Variants in NOTCH1 observed in about 807,000 individuals in gnomAD.
NOTCH1 encodes neurogenic locus notch homolog protein 1.
In NOTCH1, 37 loss-of-function variants were observed where a neutral mutation model predicts 254.8. That is an observed-to-expected ratio of 0.15 (90% CI 0.11 to 0.19). The LOEUF is 0.19. Ranked by LOEUF, NOTCH1 falls within the 10% of genes least tolerant of loss-of-function variation. The probability of loss-of-function intolerance (pLI) is 1.00; values close to 1 mark genes in which losing one functional copy is unlikely to be tolerated. For synonymous variants in NOTCH1, 1,731 were observed against 1,618.1 expected (o/e 1.07, Z -1.68); for missense variants, 2,972 against 3,708.6 (o/e 0.80, Z 5.16).
At position 136,545,739 on chromosome 9, in the gene NOTCH1, C is replaced by A. The variant is rs1362439215; in HGVS notation, c.48G>T (p.Ala16=). Residue 16 remains alanine, a synonymous_variant, in exon 1 of 34, where the codon GCG becomes GCT. Coordinates refer to ENST00000651671, the MANE Select transcript of NOTCH1 (RefSeq NM_017617.5). The surrounding 1 kb of genome is among the most constrained non-coding windows in gnomAD (Gnocchi z 6.8). ...GTGGGCGCCTACCTCGTGCGGCGAGCGCGGGCAGCAGCGCCAGGCAGAGCA... is the reference window on the plus strand; with the variant it reads ...GTGGGCGCCTACCTCGTGCGGCGAGAGCGGGCAGCAGCGCCAGGCAGAGCA... The part of the protein sequence containing the change: ...APLLCLALLP[A]LAARGPRCSQ... 7.0e-7 allele frequency: 1 copy of A among 1,424,402 alleles called. No homozygotes were observed. The highest frequency in any genetic ancestry group is 9.1e-7 in the Non-Finnish European group (1 of 1,093,128). 88.2% of individuals were successfully genotyped at this position (1,424,402 alleles called of 1,614,324 possible). A position where few individuals can be genotyped will look rare whatever the true frequency, so the allele number is the denominator to read the frequency against.
intron 2 of NOTCH1, among the ~76,000 whole-genome samples, chr9:136,526,952 C>T (rs965467284): frequency 6.6e-6 from 1 of 152,186 alleles, no homozygotes; most frequent in African/African-American, 2.4e-5. Flanking sequence ...TGTCCGCCCC[C>T]ACTCCCAGCC....
chr9:136,539,449 C>A (rs2133400315), intron 2 of NOTCH1, among the ~76,000 whole-genome samples: 1 of 152,298 alleles, frequency 6.6e-6, no homozygotes, highest in Non-Finnish European at 1.5e-5. Flanking sequence ...AGTGCAGTGG[C>A]ACGATCTCAG....
At chr9:136,531,022 C>A (rs554027898) in intron 2 of NOTCH1, among the ~76,000 whole-genome samples, 1 of 152,250 alleles carries the variant, frequency 6.6e-6, no homozygotes, top group Admixed American at 6.5e-5. Flanking sequence ...CGGAGGGGCT[C>A]CTGTTCTCCT....
At chr9:136,522,200 A>G (rs552552212) in intron 4 of NOTCH1, among the ~76,000 whole-genome samples, 4 of 152,138 alleles carry the variant, frequency 2.6e-5, no homozygotes, top group South Asian at 2.1e-4. Flanking sequence ...GATGGTCTCC[A>G]TCTCCTGACC....
At position 136,517,182 on chromosome 9, in the gene NOTCH1, C is replaced by T. The variant is rs12346936; in HGVS notation, c.1555+90G>A. ...TCAGGAGGCCGGGGTGCAGATGGCCCGGGGGCAGGGGACACAACCCACGCC... is the reference window on the plus strand; with the variant it reads ...TCAGGAGGCCGGGGTGCAGATGGCCTGGGGGCAGGGGACACAACCCACGCC... On this transcript the variant is annotated intron_variant, in intron 9 of 33. Transcript: ENST00000651671. The T allele has an allele frequency of 1.1e-3, 908 of 830,700 alleles. 12 individuals carry two copies. The African/African-American group carries it at 0.014, about 13-fold the overall frequency. The allele number at this position is 830,700 out of a possible 1,614,324, so 51.5% of individuals were successfully genotyped here.
At chr9:136,498,876 T>C (rs1273130990) in intron 33 of NOTCH1, 23 bp downstream of exon 33, 1 of 1,612,556 alleles carries the variant, frequency 6.2e-7, no homozygotes. Context: ...ACGTCTCCCC[T>C]GGCATCCCAG....
Position 136,504,921 on chromosome 9 carries a change from G to C in NOTCH1, c.4770C>G (p.Phe1590Leu). ...CGCGGCTGAGCTCCCGCAGGAAGTG[G>C]AAGGAGCTGTTGCGCAGCTGCTCCG... ...MPPEQLRNSSFHFLRELSRVL... is the reference protein window; with the variant it reads ...MPPEQLRNSSLHFLRELSRVL... Residue 1590 changes from phenylalanine to leucine, a missense_variant, in exon 26 of 34, where the codon TTC becomes TTG. Transcript: ENST00000651671. 1 of 1,588,720 alleles carries C rather than the reference G, an allele frequency of 6.3e-7. No homozygotes were observed. The highest frequency in any genetic ancestry group is 2.3e-5 in the East Asian group (1 of 43,756).
chr9:136,544,136 ACC>A (rs1843775955), intron 1 of NOTCH1, 34 bp from the exon 2 acceptor site: 1 of 1,537,034 alleles, frequency 6.5e-7, no homozygotes, highest in Non-Finnish European at 8.8e-7. Context: ...GGTCAGTCTC[ACC>A]CGCACCACCA....
At chr9:136,501,309 C>G (rs1053291000) in intron 30 of NOTCH1, among the ~76,000 whole-genome samples, 14 of 152,108 alleles carry the variant, frequency 9.2e-5, no homozygotes, top group African/African-American at 3.1e-4. Context: ...TGGCAGGCGC[C>G]TGTAGTCCCA....
chr9:136,519,746 A>G, intron 4 of NOTCH1, 181 bp from the exon 5 acceptor site: 1 of 806,400 alleles, frequency 1.2e-6, no homozygotes, highest in Non-Finnish European at 2.1e-6. Flanking sequence ...CCTGCTTGAA[A>G]GAATCATTTT....
Position 136,545,398 on chromosome 9 carries a change from G to A in NOTCH1, c.61+328C>T, listed in dbSNP as rs1287188559. ...TCGAAAAATAGTAGGCAGCCCGCCC[G>A]CCCGGCCGACCGGCGGCAAGCCCCA... On this transcript the variant is annotated intron_variant, in intron 1 of 33. Coordinates refer to ENST00000651671, the MANE Select transcript of NOTCH1 (RefSeq NM_017617.5). This position sits in a 1 kb window ranked among gnomAD's most constrained non-coding sequence, Gnocchi z 6.8. Among the ~76,000 whole-genome samples the A allele has an allele frequency of 6.6e-6, 1 of 151,950 alleles. No individual in the cohort carries two copies. Among genetic ancestry groups the A allele is most frequent in the Non-Finnish European group, 1.5e-5 (1 of 67,966 alleles).
intron 5 of NOTCH1, 59 bp downstream of exon 5, chr9:136,519,384 A>G: frequency 6.2e-7 from 1 of 1,604,754 alleles, no homozygotes; most frequent in Non-Finnish European, 8.5e-7. Flanking sequence ...AGTGCAGTTT[A>G]GTAAGTGGGT....
chr9:136,542,145 C>T (rs947553087), intron 2 of NOTCH1, among the ~76,000 whole-genome samples: 5 of 152,192 alleles, frequency 3.3e-5, no homozygotes, highest in Admixed American at 6.5e-5. Flanking sequence ...TACCCCAAAG[C>T]ACAGCGCTCT....
chr9:136,518,775 G>A lies in NOTCH1; in HGVS notation c.915C>T (p.Ala305=). The A allele has an allele frequency of 6.2e-7, 1 of 1,612,888 alleles. No individual in the cohort carries two copies. Among genetic ancestry groups the A allele is most frequent in the Non-Finnish European group, 8.5e-7 (1 of 1,179,982 alleles). ...DVDECQLMPN[A]CQNGGTCHNT... is the part of the protein sequence containing the mutation. Reference sequence around the variant, plus strand: ...TGTGGCAGGTCCCGCCGTTCTGGCAGGCATTTGGCATCAGCTGGCACTCGT... The same window carrying A: ...TGTGGCAGGTCCCGCCGTTCTGGCAAGCATTTGGCATCAGCTGGCACTCGT... Residue 305 remains alanine (A), a synonymous_variant, in exon 6 of 34, where the codon GCC becomes GCT. Coordinates refer to ENST00000651671, the MANE Select transcript of NOTCH1 (RefSeq NM_017617.5).
intron 22 of NOTCH1, 39 bp from the exon 23 acceptor site, chr9:136,507,012 C>T (rs956935456): frequency 2.8e-5 from 44 of 1,585,026 alleles, no homozygotes; most frequent in Non-Finnish European, 3.2e-5. Context: ...AAGCCCGCCA[C>T]ACCCCGGCCC....
Position 136,533,342 on chromosome 9 carries a change from G to C in NOTCH1, c.141-9363C>G, listed in dbSNP as rs1445018062. 6.3e-5 allele frequency among the ~76,000 whole-genome samples: 3 copies of C among 47,678 alleles called. No homozygotes were observed. In the South Asian group the frequency reaches 4.3e-3, roughly 68 times the overall value. The allele number at this position is 47,678 out of a possible 152,430, so 31.3% of individuals were successfully genotyped here. A position where few individuals can be genotyped will look rare whatever the true frequency, so the allele number is the denominator to read the frequency against. ...AGCATCTCTTACTGAAAAGCCGTCAGGGAAACCACACATGTTCAACCCCTG... is the reference window on the plus strand; with the variant it reads ...AGCATCTCTTACTGAAAAGCCGTCACGGAAACCACACATGTTCAACCCCTG... On this transcript the variant is annotated intron_variant, in intron 2 of 33. Coordinates refer to ENST00000651671, the MANE Select transcript of NOTCH1 (RefSeq NM_017617.5).
rs2133351345 is a variant in NOTCH1 at position 136,509,937 on chromosome 9, C to T, written c.2765G>A (p.Cys922Tyr). Residue 922 changes from cysteine to tyrosine, a missense_variant, in exon 18 of 34, where the codon TGC (cysteine) becomes TAC (tyrosine). Transcript: ENST00000651671. The part of the protein sequence containing the change: ...RPNPCHNGGS[C>Y]TDGINTAFCD... Reference sequence around the variant, plus strand: ...GAAGGCCGTGTTGATGCCGTCTGTGCAGGAGCCCCCGTTGTGACACGGGTC... The same window carrying T: ...GAAGGCCGTGTTGATGCCGTCTGTGTAGGAGCCCCCGTTGTGACACGGGTC... 6.2e-7 allele frequency: 1 copy of T among 1,613,214 alleles called. No homozygotes were observed. Among genetic ancestry groups the T allele is most frequent in the South Asian group, 1.1e-5 (1 of 91,090 alleles).
chr9:136,510,420 G>C lies in NOTCH1; in HGVS notation c.2740+233C>G, dbSNP rs1843160309. On this transcript the variant is annotated intron_variant, in intron 17 of 33. Transcript: ENST00000651671. ...TCCTCGGCTCAGTGAAGAGCCGTGG[G>C]AGGGGCTCTCGTGACTCTTCCGCGA... The C allele has an allele frequency of 4.9e-6, 3 of 612,940 alleles. No individual in the cohort carries two copies. In the Admixed American group the frequency reaches 8.2e-5, roughly 17 times the overall value. 38.0% of individuals were successfully genotyped at this position (612,940 alleles called of 1,614,324 possible).
In NOTCH1 at chr9:136,495,226, A is replaced by G; in HGVS notation, c.*845T>C. ...CCCAGGCAAGTGCCACAGTCCACAC[A>G]TCTCATGTTTGACATGCATGATGCC... On this transcript the variant is annotated 3_prime_UTR_variant, in exon 34 of 34. Transcript: ENST00000651671. 1 of 399,080 alleles carries G rather than the reference A, an allele frequency of 2.5e-6. No individual in the cohort carries two copies. The highest frequency in any genetic ancestry group is 4.4e-6 in the Non-Finnish European group (1 of 226,090). The allele number at this position is 399,080 out of a possible 1,614,324, so 24.7% of individuals were successfully genotyped here.
Sources: allele counts gnomAD v4.1 joint callset (sites outside exome capture counted in the v4.1 genomes callset), GRCh38; gene constraint gnomAD v4.1.1; non-coding constraint Gnocchi (gnomAD v3.1); transcripts MANE v1.5; gene names NCBI Gene and HGNC (gene_info 2026-07-23, HGNC 2026-07-21).